MYO7B: variants seen among roughly 807,000 people sequenced by gnomAD.
The protein encoded by MYO7B is unconventional myosin-VIIb.
A neutral mutation model predicts 259.7 loss-of-function variants in MYO7B; 212 were observed. That is an observed-to-expected ratio of 0.82 (90% CI 0.73 to 0.91). MYO7B has a LOEUF of 0.91. Among genes scored for constraint, MYO7B ranks in the 40% least tolerant of loss-of-function variants. MYO7B has a pLI of 0.00. For missense variants in MYO7B, 2,732 were observed against 2,813.5 expected, an observed-to-expected ratio of 0.97 and a Z score of 0.66; for synonymous variants, 1,197 against 1,166.4, an observed-to-expected ratio of 1.03 and a Z score of -0.54.
chr2:127,571,450 T>TTTGTTTTTTTTTTTTTTTG (rs1553448486), intron 6 of MYO7B, among the ~76,000 whole-genome samples: 10 of 141,188 alleles, frequency 7.1e-5, no homozygotes, highest in African/African-American at 2.1e-4. Context: ...GAGTTTTTTT[T>TTTGTTTTTTTTTTTTTTTG]TTTTTTTTTG....
At chr2:127,599,659 T>C (rs538508750) in intron 19 of MYO7B, among the ~76,000 whole-genome samples, 13 of 152,344 alleles carry the variant, frequency 8.5e-5, no homozygotes, top group Non-Finnish European at 1.2e-4. Flanking sequence ...AGGTTTTTCA[T>C]TGATGCCCTT....
At position 127,630,761 on chromosome 2, in the gene MYO7B, G is replaced by T. The variant is rs1681437450; in HGVS notation, c.4807-17G>T. 6.2e-7 allele frequency: 1 copy of T among 1,612,042 alleles called. No individual in the cohort carries two copies. On this transcript the variant is annotated splice_polypyrimidine_tract_variant and intron_variant, in intron 35 of 47. Transcript: ENST00000409816. Reference sequence around the variant, plus strand: ...GGCGGTGGCTCCTGGGCACCCACAGGCCTGTGCCCCCTTCAGAGCTTGCTT... The same window carrying T: ...GGCGGTGGCTCCTGGGCACCCACAGTCCTGTGCCCCCTTCAGAGCTTGCTT...
At chr2:127,605,456 C>A (rs1295004613) in intron 19 of MYO7B, among the ~76,000 whole-genome samples, 1 of 152,104 alleles carries the variant, frequency 6.6e-6, no homozygotes. Flanking sequence ...ATTAGCTGGG[C>A]GTGGTGGCAG....
At chr2:127,581,632 C>T (rs547325815) in intron 10 of MYO7B, among the ~76,000 whole-genome samples, 19 of 152,258 alleles carry the variant, frequency 1.2e-4, no homozygotes, top group African/African-American at 3.6e-4. Flanking sequence ...CCTCCCTCAC[C>T]CTCATTTTCC....
At position 127,588,377 on chromosome 2, in the gene MYO7B, C is replaced by A; in HGVS notation, c.1691-15C>A. ...GGCTAAGCTGGGATGCTGGGTGGGC[C>A]CTGTGTCTCCACAGGCTTCCTGGAG... On this transcript the variant is annotated splice_polypyrimidine_tract_variant and intron_variant, in intron 14 of 47. Transcript: ENST00000409816. The A allele has an allele frequency of 6.2e-7, 1 of 1,611,438 alleles. No homozygotes were observed. The highest frequency in any genetic ancestry group is 1.1e-5 in the South Asian group (1 of 90,850).
chr2:127,580,939 G>A (rs1287879973), intron 10 of MYO7B, 117 bp downstream of exon 10: 7 of 1,068,762 alleles, frequency 6.5e-6, no homozygotes, highest in African/African-American at 6.3e-5. Flanking sequence ...CTTTCCCAGG[G>A]CCTATGCTCA....
intron 19 of MYO7B, among the ~76,000 whole-genome samples, chr2:127,602,772 G>A (rs1680012702): frequency 1.3e-5 from 2 of 152,184 alleles, no homozygotes; most frequent in Non-Finnish European, 2.9e-5. Flanking sequence ...GCTGAGGCAG[G>A]TGGCTCACTT....
rs748236607 is a variant in MYO7B, at chr2:127,581,929, C to T, written c.1119C>T (p.His373=). 2.5e-6 allele frequency: 4 copies of T among 1,613,812 alleles called. No homozygotes were observed. In the African/African-American group the frequency reaches 5.3e-5, roughly 22 times the overall value. Reference sequence around the variant, plus strand: ...AGCTCCGGGACTGTCTGATCAAGCACACCATCCTCATCCGAGGGGAATTTG... The same window carrying T: ...AGCTCCGGGACTGTCTGATCAAGCATACCATCCTCATCCGAGGGGAATTTG... ...HQELRDCLIK[H]TILIRGEFVT... Residue 373 remains histidine (H), a synonymous_variant, in exon 11 of 48, where the codon CAC becomes CAT. Transcript: ENST00000409816.
chr2:127,543,796 G>A (rs952679165), intron 1 of MYO7B, among the ~76,000 whole-genome samples: 1 of 151,618 alleles, frequency 6.6e-6, no homozygotes, highest in Non-Finnish European at 1.5e-5. Flanking sequence ...CCAGGCTGGA[G>A]TGCAGTGGCG....
chr2:127,536,473 G>A (rs990355342), intron 1 of MYO7B, among the ~76,000 whole-genome samples: 2 of 149,530 alleles, frequency 1.3e-5, no homozygotes, highest in Non-Finnish European at 3.0e-5. Context: ...GTGGTGGGGG[G>A]GGGGGTGGGG....
At chr2:127,560,680 T>C (rs557192868) in intron 2 of MYO7B, among the ~76,000 whole-genome samples, 2 of 152,290 alleles carry the variant, frequency 1.3e-5, no homozygotes, top group South Asian at 4.2e-4. Context: ...AACCAGCCTG[T>C]GCATCCTTCC....
rs1450185959 is a variant in MYO7B at position 127,607,098 on chromosome 2, CAAAACT to C, written c.2425-105_2425-100del. On this transcript the variant is annotated intron_variant, in intron 20 of 47. Coordinates refer to ENST00000409816, the MANE Select transcript of MYO7B (RefSeq NM_001393586.1). The surrounding 1 kb of genome is among the most constrained non-coding windows in gnomAD (Gnocchi z 4.4). ...TTCTAGCACCGGCCCTTTGCCAAAA[CAAAACT>C]AACTGTAAATCTATCTTGCACTGCC... is the stretch of plus-strand genomic sequence containing the variant. 1 of 1,125,928 alleles carries C rather than the reference CAAAACT, an allele frequency of 8.9e-7. No individual in the cohort carries two copies. Among genetic ancestry groups the C allele is most frequent in the East Asian group, 2.6e-5 (1 of 38,614 alleles). 69.7% of individuals were successfully genotyped at this position (1,125,928 alleles called of 1,614,324 possible).
intron 6 of MYO7B, among the ~76,000 whole-genome samples, chr2:127,571,442 G>GTTTTTTTTTTTGTTTTTT (rs1553448472): frequency 4.8e-5 from 2 of 41,984 alleles, no homozygotes; most frequent in African/African-American, 1.6e-4. Context: ...TTACCAGTGA[G>GTTTTTTTTTTTGTTTTTT]TTTTTTTTTT....
rs952896987 is a variant in MYO7B at position 127,585,406 on chromosome 2, T to G, written c.1690+493T>G. On this transcript the variant is annotated intron_variant, in intron 14 of 47. Transcript: ENST00000409816. The surrounding 1 kb of genome is among the most constrained non-coding windows in gnomAD (Gnocchi z 4.3). ...TTTTCAAGGTTCATCTATGTTGTAGTACGTGTCAGTGCTCCATGTCTTTTT... is the reference window on the plus strand; with the variant it reads ...TTTTCAAGGTTCATCTATGTTGTAGGACGTGTCAGTGCTCCATGTCTTTTT... 6.6e-6 allele frequency among the ~76,000 whole-genome samples: 1 copy of G among 152,230 alleles called. No individual in the cohort carries two copies. The highest frequency in any genetic ancestry group is 6.5e-5 in the Admixed American group (1 of 15,282).
Position 127,636,680 on chromosome 2 carries a change from T to C in MYO7B, c.6207+52T>C. ...GGGGGCCACCAGGTCCAGGGACCTGTGCAGGTGGGGCTGCAGTCATCTCTG... is the reference window on the plus strand; with the variant it reads ...GGGGGCCACCAGGTCCAGGGACCTGCGCAGGTGGGGCTGCAGTCATCTCTG... On this transcript the variant is annotated intron_variant, in intron 46 of 47. Transcript: ENST00000409816. This position sits in a 1 kb window ranked among gnomAD's most constrained non-coding sequence, Gnocchi z 4.5. The C allele has an allele frequency of 6.4e-7, 1 of 1,558,728 alleles. No homozygotes were observed. Among genetic ancestry groups the C allele is most frequent in the South Asian group, 1.1e-5 (1 of 89,872 alleles).
In MYO7B at chr2:127,590,201, T is replaced by C; in HGVS notation, c.1964T>C (p.Ile655Thr). The C allele has an allele frequency of 6.2e-7, 1 of 1,612,934 alleles. No individual in the cohort carries two copies. Residue 655 changes from isoleucine to threonine, a missense_variant, in exon 16 of 48, where the codon ATC becomes ACC. Ile to Thr is a moderately conservative substitution (Grantham distance 89, BLOSUM62 -1). Coordinates refer to ENST00000409816, the MANE Select transcript of MYO7B (RefSeq NM_001393586.1). This position sits in a 1 kb window ranked among gnomAD's most constrained non-coding sequence, Gnocchi z 4.6. ...TNCQPYFIRC[I>T]KPNEYKKPLL... Reference sequence around the variant, plus strand: ...TGCCAGCCTTACTTCATCCGCTGCATCAAACCTAATGAGTACAAGAAGCCG... The same window carrying C: ...TGCCAGCCTTACTTCATCCGCTGCACCAAACCTAATGAGTACAAGAAGCCG...
At position 127,539,846 on chromosome 2, in the gene MYO7B, G is replaced by T. The variant is rs1341473896; in HGVS notation, c.-24+4015G>T. Among the ~76,000 whole-genome samples the T allele has an allele frequency of 6.6e-6, 1 of 152,106 alleles. No individual in the cohort carries two copies. Among genetic ancestry groups the T allele is most frequent in the South Asian group, 2.1e-4 (1 of 4,832 alleles). On this transcript the variant is annotated intron_variant, in intron 1 of 47. Transcript: ENST00000409816. This position sits in a 1 kb window ranked among gnomAD's most constrained non-coding sequence, Gnocchi z 4.0. ...GCTCACCCAGCTCCAGCCTTCCCCCGAAAGTCCCCAAAGTCCATTGTATCG... is the reference window on the plus strand; with the variant it reads ...GCTCACCCAGCTCCAGCCTTCCCCCTAAAGTCCCCAAAGTCCATTGTATCG...
At position 127,631,272 on chromosome 2, in the gene MYO7B, G is replaced by T; in HGVS notation, c.5004G>T (p.Trp1668Cys). 6.2e-7 allele frequency: 1 copy of T among 1,612,060 alleles called. No individual in the cohort carries two copies. Among genetic ancestry groups the T allele is most frequent in the Non-Finnish European group, 8.5e-7 (1 of 1,179,388 alleles). Residue 1668 changes from tryptophan (W) to cysteine (C), a missense_variant, in exon 37 of 48, where the codon TGG becomes TGT. Trp to Cys is a radical substitution (Grantham distance 215, BLOSUM62 -2). Coordinates refer to ENST00000409816, the MANE Select transcript of MYO7B (RefSeq NM_001393586.1). ...TGGCCCGTGCCCGTGGCCACCTGTG[G>T]GCCTATTCCTGCGAGCCGCTGCGAC... ...LPLARARGHL[W>C]AYSCEPLRQP...
intron 18 of MYO7B, among the ~76,000 whole-genome samples, chr2:127,594,955 C>T (rs1180193901): frequency 2.0e-5 from 3 of 152,064 alleles, no homozygotes; most frequent in Non-Finnish European, 4.4e-5. Flanking sequence ...GTATCTATGC[C>T]AGGTTTTGGT....
Sources: gnomAD v4.1 joint callset for allele counts (sites outside exome capture counted in the v4.1 genomes callset) on GRCh38, gnomAD v4.1.1 for gene constraint, Gnocchi (gnomAD v3.1) non-coding constraint, MANE v1.5 for transcripts, NCBI Gene and HGNC (gene_info 2026-07-23, HGNC 2026-07-21) for gene names.